The following HTR1F variants were observed in gnomAD, a reference collection of about 807,000 sequenced individuals.
HTR1F encodes 5-hydroxytryptamine (serotonin) receptor 1F, G protein-coupled.
A neutral mutation model predicts 24.0 loss-of-function variants in HTR1F; 17 were observed. The ratio of observed to expected loss-of-function variants is 0.71; its 90% CI spans 0.48 to 1.06. The LOEUF (loss-of-function observed/expected upper bound fraction) is 1.06. HTR1F is among the 50% of genes least tolerant of loss of function. The probability of loss-of-function intolerance (pLI) is 0.00; values close to 1 mark genes in which losing one functional copy is unlikely to be tolerated. For missense variants in HTR1F, 391 were observed against 427.8 expected (o/e 0.91, Z 0.76); for synonymous variants, 186 against 156.8 (o/e 1.19, Z -1.39).
At position 87,992,197 on chromosome 3, in the gene HTR1F, A is replaced by G. The variant is rs1705853566; in HGVS notation, c.*347A>G. 5.9e-6 allele frequency: 1 copy of G among 169,958 alleles called. No homozygotes were observed. The highest frequency in any genetic ancestry group is 2.0e-4 in the South Asian group (1 of 4,902). The allele number at this position is 169,958 out of a possible 1,614,324, so 10.5% of individuals were successfully genotyped here. A position where few individuals can be genotyped will look rare whatever the true frequency, so the allele number is the denominator to read the frequency against. On this transcript the variant is annotated 3_prime_UTR_variant, in exon 3 of 3. Transcript: ENST00000319595. ...ATAATTATAGAGGAGTTTTCAATTA[A>G]CAACATACCTCCCTCCATAATTTCT...
chr3:87,848,725 A>T (rs914713646), intron 2 of HTR1F, among the ~76,000 whole-genome samples: 11 of 151,730 alleles, frequency 7.2e-5, no homozygotes, highest in Non-Finnish European at 1.6e-4. Flanking sequence ...CTCAGCCCAA[A>T]ATCTCCTTAA....
intron 2 of HTR1F, among the ~76,000 whole-genome samples, chr3:87,934,565 C>G (rs1704365655): frequency 6.6e-6 from 1 of 152,186 alleles, no homozygotes; most frequent in African/African-American, 2.4e-5. Context: ...TATTTAGGGT[C>G]ATGCAGAAAC....
chr3:87,945,418 A>G (rs765639871), intron 2 of HTR1F, among the ~76,000 whole-genome samples: 19 of 152,166 alleles, frequency 1.2e-4, no homozygotes, highest in Non-Finnish European at 2.4e-4. Flanking sequence ...GGTAAGGAGA[A>G]TTTTGGGGCT....
chr3:87,917,620 G>T lies in HTR1F; in HGVS notation c.-42-73088G>T, dbSNP rs190475093. On this transcript the variant is annotated intron_variant, in intron 2 of 2. Transcript: ENST00000319595. ...ATAAACTAGAAAACCAAGAATAGAT[G>T]AATAAATTCTTGGAAAGATACAACC... 1.9e-4 allele frequency among the ~76,000 whole-genome samples: 29 copies of T among 151,900 alleles called. No homozygotes were observed. The East Asian group carries it at 5.0e-3, about 26-fold the overall frequency.
intron 2 of HTR1F, among the ~76,000 whole-genome samples, chr3:87,916,085 G>C (rs1703885389): frequency 1.3e-5 from 2 of 152,008 alleles, no homozygotes. Context: ...TATCAGGCAA[G>C]AAATTTGTAT....
intron 2 of HTR1F, among the ~76,000 whole-genome samples, chr3:87,826,266 A>C (rs1422866429): frequency 6.6e-6 from 1 of 152,212 alleles, no homozygotes; most frequent in East Asian, 1.9e-4. Flanking sequence ...TGTTTGATCA[A>C]TGCTTCTGCA....
At chr3:87,973,880 A>G (rs1270993676) in intron 2 of HTR1F, among the ~76,000 whole-genome samples, 1 of 152,196 alleles carries the variant, frequency 6.6e-6, no homozygotes, top group Non-Finnish European at 1.5e-5. Flanking sequence ...ACGTATTGAT[A>G]TAAGAACTAT....
chr3:87,982,319 G>T (rs1328846552), intron 2 of HTR1F, among the ~76,000 whole-genome samples: 1 of 152,094 alleles, frequency 6.6e-6, no homozygotes, highest in East Asian at 1.9e-4. Context: ...AATCTTAAGG[G>T]TGTTGCCCCA....
At chr3:87,808,071 C>T (rs1427350644) in intron 1 of HTR1F, among the ~76,000 whole-genome samples, 1 of 151,592 alleles carries the variant, frequency 6.6e-6, no homozygotes, top group Non-Finnish European at 1.5e-5. Flanking sequence ...GTATATTGGC[C>T]TGTAGTTTTC....
intron 2 of HTR1F, among the ~76,000 whole-genome samples, chr3:87,925,683 C>T (rs1222990797): frequency 6.6e-6 from 1 of 152,116 alleles, no homozygotes; most frequent in African/African-American, 2.4e-5. Flanking sequence ...TGGAGTAATG[C>T]AGCCACTTGG....
At chr3:87,949,020 T>C (rs55915802) in intron 2 of HTR1F, among the ~76,000 whole-genome samples, 17,249 of 152,236 alleles carry the variant, frequency 0.11, 1,226 homozygotes, top group Middle Eastern at 0.17. Flanking sequence ...ATTGTGTATC[T>C]ATTTATATTC....
chr3:87,936,836 C>T lies in HTR1F; in HGVS notation c.-42-53872C>T, dbSNP rs77051157. 4.2e-3 allele frequency among the ~76,000 whole-genome samples: 634 copies of T among 152,034 alleles called. 6 individuals are homozygous for T. Among genetic ancestry groups the T allele is most frequent in the African/African-American group, 0.015 (614 of 41,474 alleles). ...ATTCATTTGACTGAGATACTCATTT[C>T]ATCTCTAAACACCTCTATGCACACA... On this transcript the variant is annotated intron_variant, in intron 2 of 2. Transcript: ENST00000319595.
At chr3:87,975,355 AT>A (rs934541086) in intron 2 of HTR1F, among the ~76,000 whole-genome samples, 9 of 152,132 alleles carry the variant, frequency 5.9e-5, no homozygotes, top group Admixed American at 2.6e-4. Flanking sequence ...TTCTAAAAAA[AT>A]CTTGGAGAAT....
chr3:87,911,838 C>T (rs1028368867), intron 2 of HTR1F, among the ~76,000 whole-genome samples: 8 of 152,108 alleles, frequency 5.3e-5, no homozygotes, highest in Non-Finnish European at 7.4e-5. Context: ...TCAGTAGATG[C>T]AGAGAAGGCT....
chr3:87,815,859 A>G (rs180877930), intron 1 of HTR1F, among the ~76,000 whole-genome samples: 64 of 152,192 alleles, frequency 4.2e-4, no homozygotes, highest in Admixed American at 2.0e-3. Flanking sequence ...CATTTCACTC[A>G]TCTCCCTCTT....
At chr3:87,978,072 G>C (rs868226920) in intron 2 of HTR1F, among the ~76,000 whole-genome samples, 5 of 152,208 alleles carry the variant, frequency 3.3e-5, no homozygotes, top group Admixed American at 6.5e-5. Flanking sequence ...GCTGCAGAGG[G>C]GCGGGCAGCT....
At position 87,796,154 on chromosome 3, in the gene HTR1F, G is replaced by A. The variant is rs1373572121; in HGVS notation, c.-160+3312G>A. Among the ~76,000 whole-genome samples the A allele has an allele frequency of 2.0e-5, 3 of 152,140 alleles. No homozygotes were observed. In the South Asian group the frequency reaches 6.2e-4, roughly 32 times the overall value. ...TGCCAGCCTAGTCTTTAACCAGGAT[G>A]TATTGTAGAGATGGTGAGAAGTGTG... On this transcript the variant is annotated intron_variant, in intron 1 of 2. Transcript: ENST00000319595.
intron 2 of HTR1F, among the ~76,000 whole-genome samples, chr3:87,906,568 TG>T (rs1267511800): frequency 1.3e-5 from 2 of 152,166 alleles, no homozygotes; most frequent in East Asian, 3.9e-4. Context: ...AATAGGCTTT[TG>T]GTAACAGGTG....
intron 2 of HTR1F, among the ~76,000 whole-genome samples, chr3:87,849,433 C>T (rs1393463677): frequency 3.3e-5 from 5 of 151,800 alleles, no homozygotes; most frequent in African/African-American, 1.2e-4. Flanking sequence ...GGATCCCTTT[C>T]TTACACCTTC....
Sources: allele counts gnomAD v4.1 joint callset (sites outside exome capture counted in the v4.1 genomes callset), GRCh38; gene constraint gnomAD v4.1.1; transcripts MANE v1.5; gene names NCBI Gene and HGNC (gene_info 2026-07-23, HGNC 2026-07-21).